The following DTX1 variants were observed in gnomAD, a reference collection of about 807,000 sequenced individuals.
The protein encoded by DTX1 is deltex E3 ubiquitin ligase 1, also known as E3 ubiquitin-protein ligase DTX1.
In DTX1, 26 loss-of-function variants were observed where a neutral mutation model predicts 57.8. That is an observed-to-expected ratio of 0.45 (90% CI 0.33 to 0.62). The LOEUF (loss-of-function observed/expected upper bound fraction) is 0.62. Among genes scored for constraint, DTX1 ranks in the 20% least tolerant of loss-of-function variants. The pLI is 0.02. For missense variants in DTX1, 704 were observed against 895.3 expected, an observed-to-expected ratio of 0.79 and a Z score of 2.73; for synonymous variants, 398 against 394.1, an observed-to-expected ratio of 1.01 and a Z score of -0.12.
intron 3 of DTX1, among the ~76,000 whole-genome samples, chr12:113,078,647 G>A (rs1266706917): frequency 1.3e-5 from 2 of 152,140 alleles, no homozygotes; most frequent in Admixed American, 1.3e-4. Context: ...CACCGGGGAA[G>A]GGTAGACATT....
chr12:113,064,564 A>G (rs2044690812), intron 2 of DTX1, among the ~76,000 whole-genome samples: 2 of 152,048 alleles, frequency 1.3e-5, no homozygotes, highest in South Asian at 4.1e-4. Flanking sequence ...GAACCCTCTG[A>G]CTCATAAGGA....
Position 113,096,712 on chromosome 12 carries a change from C to CA in DTX1, c.1639-2dup. ...CGGCCCCACTGTGTCCCTGTCCCCC[C>CA]AGGTGCTGCGGCTGCTCATCACGGC... On this transcript the variant is annotated splice_polypyrimidine_tract_variant and splice_region_variant and intron_variant, in intron 9 of 9. Coordinates refer to ENST00000548759, the MANE Select transcript of DTX1 (RefSeq NM_004416.3). 1 of 1,610,200 alleles carries CA rather than the reference C, an allele frequency of 6.2e-7. No homozygotes were observed. Among genetic ancestry groups the CA allele is most frequent in the African/African-American group, 1.3e-5 (1 of 74,902 alleles).
rs754315228 is a variant in DTX1, at chr12:113,077,801, G to A, written c.637G>A (p.Ala213Thr). ...GTGCCTGCTGGTCAACAGCACGCGC[G>A]CCGCCTCCAACGCCATCCTGGCCTC... ...QQCLLVNSTR[A>T]ASNAILASQR... Residue 213 changes from alanine to threonine, a missense_variant, in exon 3 of 10, where the codon GCC (alanine) becomes ACC (threonine). This residue lies in a region of DTX1 where 237 missense variants were observed against 328.6 expected (regional missense o/e 0.72). Coordinates refer to ENST00000548759, the MANE Select transcript of DTX1 (RefSeq NM_004416.3). This position sits in a 1 kb window ranked among gnomAD's most constrained non-coding sequence, Gnocchi z 7.8. The A allele has an allele frequency of 4.0e-6, 6 of 1,501,960 alleles. 1 individual carries two copies. The highest frequency in any genetic ancestry group is 3.8e-5 in the South Asian group (3 of 79,304). The allele number at this position is 1,501,960 out of a possible 1,614,324, so 93.0% of individuals were successfully genotyped here.
intron 3 of DTX1, among the ~76,000 whole-genome samples, chr12:113,081,085 C>T (rs576288287): frequency 9.6e-4 from 146 of 152,066 alleles, no homozygotes; most frequent in Non-Finnish European, 1.8e-3. Flanking sequence ...TTGAGGCGGG[C>T]GTAGTGGCTC....
intron 3 of DTX1, among the ~76,000 whole-genome samples, chr12:113,091,710 C>G (rs909229909): frequency 6.7e-6 from 1 of 150,094 alleles, no homozygotes. Context: ...CCAACTGTGC[C>G]TGCCAAGGAC....
chr12:113,082,888 G>A (rs2044828605), intron 3 of DTX1, among the ~76,000 whole-genome samples: 1 of 152,242 alleles, frequency 6.6e-6, no homozygotes, highest in Non-Finnish European at 1.5e-5. Flanking sequence ...GTGAGCCACA[G>A]CGACTGGCCT....
intron 9 of DTX1, among the ~76,000 whole-genome samples, chr12:113,095,911 GA>G (rs529255199): frequency 9.5e-4 from 144 of 152,270 alleles, no homozygotes; most frequent in Non-Finnish European, 1.3e-3. Context: ...CTTCACCCCA[GA>G]AAAAAACAGG....
intron 2 of DTX1, among the ~76,000 whole-genome samples, chr12:113,076,253 G>A (rs1055278714): frequency 6.6e-6 from 1 of 152,066 alleles, no homozygotes; most frequent in Non-Finnish European, 1.5e-5. Flanking sequence ...GAGGTCAGGA[G>A]TTCGAGACCA....
At chr12:113,069,483 G>A (rs554429665) in intron 2 of DTX1, among the ~76,000 whole-genome samples, 1 of 152,284 alleles carries the variant, frequency 6.6e-6, no homozygotes, top group Non-Finnish European at 1.5e-5. Context: ...GCTTCCAGCA[G>A]ACCCTGGAGA....
At chr12:113,080,790 A>G (rs2044810613) in intron 3 of DTX1, among the ~76,000 whole-genome samples, 1 of 152,078 alleles carries the variant, frequency 6.6e-6, no homozygotes, top group African/African-American at 2.4e-5. Flanking sequence ...AGCCTGGGAA[A>G]CATAGCAAGA....
chr12:113,069,773 G>C (rs1372814267), intron 2 of DTX1, among the ~76,000 whole-genome samples: 2 of 152,168 alleles, frequency 1.3e-5, no homozygotes, highest in Non-Finnish European at 2.9e-5. Flanking sequence ...TGAGGACTGG[G>C]AGATGATGTG....
intron 2 of DTX1, among the ~76,000 whole-genome samples, chr12:113,072,799 G>A (rs1236491381): frequency 6.6e-6 from 1 of 150,434 alleles, no homozygotes; most frequent in Non-Finnish European, 1.5e-5. Flanking sequence ...TGCCTCCTGG[G>A]TTCAAGCGAT....
In DTX1 at chr12:113,071,108, A is replaced by G. The variant is rs1167385668; in HGVS notation, c.260-6316A>G. Among the ~76,000 whole-genome samples the G allele has an allele frequency of 2.0e-5, 3 of 152,146 alleles. No homozygotes were observed. In the East Asian group the frequency reaches 5.8e-4, roughly 29 times the overall value. On this transcript the variant is annotated intron_variant, in intron 2 of 9. Coordinates refer to ENST00000548759, the MANE Select transcript of DTX1 (RefSeq NM_004416.3). ...TATCTCTGACTCCAGCTCTCTTGGT[A>G]TCTGCCTCAGTTTCCCATGTTGGCC...
intron 2 of DTX1, among the ~76,000 whole-genome samples, chr12:113,069,296 G>A (rs1433797540): frequency 6.6e-6 from 1 of 152,056 alleles, no homozygotes; most frequent in Non-Finnish European, 1.5e-5. Flanking sequence ...CTGGGTGTGT[G>A]GGAAGCCAGG....
chr12:113,060,003 C>T (rs923614216), intron 2 of DTX1, among the ~76,000 whole-genome samples: 24 of 152,160 alleles, frequency 1.6e-4, no homozygotes, highest in Admixed American at 6.5e-4. Flanking sequence ...GCCTTTCTAA[C>T]TAGCACAGTC....
At position 113,078,079 on chromosome 12, in the gene DTX1, G is replaced by A. The variant is rs1680009475; in HGVS notation, c.915G>A (p.Val305=). The change falls in exon 3 of 10, where the codon GTG becomes GTA. Residue 305 remains valine (V), a synonymous_variant. Transcript: ENST00000548759. ...NRPGPQRTTS[V]SARASIPPGV... ...CCGGGCCCCAGCGCACCACCAGCGT[G>A]AGCGCGCGCGCCTCCATCCCGCCGG... The A allele has an allele frequency of 7.1e-7, 1 of 1,398,814 alleles. No homozygotes were observed. Among genetic ancestry groups the A allele is most frequent in the Non-Finnish European group, 9.3e-7 (1 of 1,076,212 alleles). 86.7% of individuals were successfully genotyped at this position (1,398,814 alleles called of 1,614,324 possible).
intron 2 of DTX1, among the ~76,000 whole-genome samples, chr12:113,068,289 G>T (rs1478297368): frequency 6.6e-6 from 1 of 152,210 alleles, no homozygotes; most frequent in Non-Finnish European, 1.5e-5. Context: ...CCCAGCCTTG[G>T]AGGGGCTGCC....
chr12:113,094,366 A>G (rs914001773), intron 6 of DTX1, among the ~76,000 whole-genome samples: 7 of 152,146 alleles, frequency 4.6e-5, no homozygotes, highest in Admixed American at 3.3e-4. Flanking sequence ...CCCTTAATTC[A>G]CCTGGGGGGT....
rs538440620 is a variant in DTX1 at position 113,068,874 on chromosome 12, G to A, written c.260-8550G>A. Among the ~76,000 whole-genome samples the A allele has an allele frequency of 6.6e-5, 10 of 152,318 alleles. No homozygotes were observed. In the South Asian group the frequency reaches 1.5e-3, roughly 22 times the overall value. On this transcript the variant is annotated intron_variant, in intron 2 of 9. Transcript: ENST00000548759. ...GGCCAGAGGGCTGACAGTGGAAGTC[G>A]GGGAAGTTCAAATCCTGACTAGATT... is the stretch of plus-strand genomic sequence containing the variant.
Sources: allele counts gnomAD v4.1 joint callset (sites outside exome capture counted in the v4.1 genomes callset), GRCh38; gene constraint gnomAD v4.1.1; regional missense constraint gnomAD v4.1.1; non-coding constraint Gnocchi (gnomAD v3.1); transcripts MANE v1.5; gene names NCBI Gene and HGNC (gene_info 2026-07-23, HGNC 2026-07-21).